FARP2: variants seen among roughly 807,000 people sequenced by gnomAD.
FARP2 encodes FERM, ARH/RhoGEF and pleckstrin domain protein 2, also known as FERM, ARHGEF and pleckstrin domain-containing protein 2.
FARP2 carries 111 observed loss-of-function variants against 130.5 expected under a neutral mutation model. That is an observed-to-expected ratio of 0.85 (90% CI 0.73 to 1.00). The LOEUF (loss-of-function observed/expected upper bound fraction) is 1.00, where lower values mean the gene tolerates loss of function less well. Ranked by LOEUF, FARP2 falls within the 50% of genes least tolerant of loss-of-function variation. FARP2 has a pLI of 0.00. For missense variants in FARP2, 1,385 were observed against 1,346.3 expected, an observed-to-expected ratio of 1.03 and a Z score of -0.45; for synonymous variants, 504 against 516.9, an observed-to-expected ratio of 0.98 and a Z score of 0.34.
intron 4 of FARP2, among the ~76,000 whole-genome samples, chr2:241,406,584 C>T (rs1182026246): frequency 6.6e-6 from 1 of 151,342 alleles, no homozygotes; most frequent in African/African-American, 2.4e-5. Flanking sequence ...GTAGCTGGAA[C>T]TTCAGGCATG....
chr2:241,461,752 G>A (rs1360051258), intron 14 of FARP2, among the ~76,000 whole-genome samples: 1 of 152,230 alleles, frequency 6.6e-6, no homozygotes, highest in Non-Finnish European at 1.5e-5. Context: ...TGGGGCAGGC[G>A]AGCTGCCAGG....
chr2:241,431,243 G>A (rs1175147328), intron 8 of FARP2, among the ~76,000 whole-genome samples: 1 of 152,106 alleles, frequency 6.6e-6, no homozygotes, highest in Non-Finnish European at 1.5e-5. Context: ...GTGTCCTTGT[G>A]TTCCAGATGT....
In FARP2 at chr2:241,464,147, G is replaced by A. The variant is rs965749279; in HGVS notation, c.1893+167G>A. ...TTAGAACAGGGCCCCCTCAGAGCAG[G>A]ATCCCTCCAGACCAGGGTCCCCCTC... On this transcript the variant is annotated intron_variant, in intron 17 of 26. Transcript: ENST00000264042. Among the ~76,000 whole-genome samples the A allele has an allele frequency of 2.0e-5, 3 of 151,604 alleles. No individual in the cohort carries two copies. The South Asian group carries it at 6.3e-4, about 32-fold the overall frequency.
intron 12 of FARP2, among the ~76,000 whole-genome samples, chr2:241,437,627 C>G (rs1374851061): frequency 6.7e-6 from 1 of 149,772 alleles, no homozygotes; most frequent in East Asian, 2.0e-4. Context: ...CATCATGCCT[C>G]GCTGACATAT....
intron 13 of FARP2, among the ~76,000 whole-genome samples, chr2:241,453,428 C>T (rs541475843): frequency 1.3e-5 from 2 of 152,044 alleles, no homozygotes; most frequent in South Asian, 2.1e-4. Context: ...CGAGACCATC[C>T]TGGCTAACAT....
Position 241,361,188 on chromosome 2 carries a change from C to T in FARP2, c.-25+4800C>T, listed in dbSNP as rs533847829. Among the ~76,000 whole-genome samples the T allele has an allele frequency of 2.6e-5, 4 of 152,344 alleles. No individual in the cohort carries two copies. In the South Asian group the frequency reaches 8.3e-4, roughly 32 times the overall value. On this transcript the variant is annotated intron_variant, in intron 1 of 26. Transcript: ENST00000264042. ...CTCCATTTCAAACCATGTTTCCTTT[C>T]CACTGCCCACACACTTCCCTGAGTC...
At chr2:241,467,995 AGCCCCCGCTG>A in intron 17 of FARP2, 135 bp from the exon 18 acceptor site, 1 of 705,416 alleles carries the variant, frequency 1.4e-6, no homozygotes, top group East Asian at 2.5e-5. Context: ...GAGGCTAGAA[AGCCCCCGCTG>A]GCGCACGCTG....
Position 241,431,655 on chromosome 2 carries a change from ATCTG to A in FARP2, c.772-16_772-13del, listed in dbSNP as rs1559762618. 1.6e-6 allele frequency: 2 copies of A among 1,251,610 alleles called. No homozygotes were observed. Among genetic ancestry groups the A allele is most frequent in the Non-Finnish European group, 2.3e-6 (2 of 855,078 alleles). The allele number at this position is 1,251,610 out of a possible 1,614,324, so 77.5% of individuals were successfully genotyped here. On this transcript the variant is annotated intron_variant, in intron 8 of 26. Transcript: ENST00000264042. ...GGGTTATGTGCCAGATACAAATGTA[ATCTG>A]TCTGTCTCTTGCATTTCAGGGCACC...
At chr2:241,395,809 TTTG>T (rs1306220590) in intron 2 of FARP2, 3 of 152,206 alleles carry the variant, frequency 2.0e-5, no homozygotes, top group African/African-American at 7.2e-5. Context: ...TGTTTGTTTG[TTTG>T]TTTGTTTTCC....
chr2:241,388,463 A>G (rs1231331331), intron 2 of FARP2, among the ~76,000 whole-genome samples: 1 of 152,226 alleles, frequency 6.6e-6, no homozygotes, highest in African/African-American at 2.4e-5. Flanking sequence ...CAGAGTTGAG[A>G]CTGTAAAACT....
chr2:241,360,746 A>G (rs529871513), intron 1 of FARP2, among the ~76,000 whole-genome samples: 5 of 152,304 alleles, frequency 3.3e-5, no homozygotes, highest in Admixed American at 1.3e-4. Flanking sequence ...AATAATGCAA[A>G]TGGCTAAATT....
chr2:241,434,735 C>A (rs2063177363), intron 10 of FARP2, among the ~76,000 whole-genome samples: 1 of 152,044 alleles, frequency 6.6e-6, no homozygotes, highest in African/African-American at 2.4e-5. Flanking sequence ...ACCTGTAATC[C>A]CAGCTACTCG....
intron 2 of FARP2, among the ~76,000 whole-genome samples, chr2:241,386,288 G>A (rs1197835044): frequency 6.6e-6 from 1 of 152,122 alleles, no homozygotes; most frequent in African/African-American, 2.4e-5. Flanking sequence ...TCCCGCTGTT[G>A]TTGCTCAGGC....
At chr2:241,479,384 C>T (rs551339896) in intron 19 of FARP2, among the ~76,000 whole-genome samples, 3 of 152,350 alleles carry the variant, frequency 2.0e-5, no homozygotes, top group African/African-American at 4.8e-5. Context: ...TCCAGCACGC[C>T]GTGGCCTCGG....
At chr2:241,438,672 C>T (rs2063306531) in intron 12 of FARP2, among the ~76,000 whole-genome samples, 1 of 150,734 alleles carries the variant, frequency 6.6e-6, no homozygotes, top group Non-Finnish European at 1.5e-5. Context: ...CTCTGTCGCC[C>T]AGGCTGGAGT....
intron 21 of FARP2, 24 bp downstream of exon 21, chr2:241,484,355 G>A (rs2064701149): frequency 6.2e-7 from 1 of 1,601,498 alleles, no homozygotes; most frequent in East Asian, 2.2e-5. Flanking sequence ...CACCCTGCCT[G>A]GGATTTCCAC....
At chr2:241,470,229 A>G (rs1239628267) in intron 18 of FARP2, among the ~76,000 whole-genome samples, 2 of 152,310 alleles carry the variant, frequency 1.3e-5, no homozygotes, top group Middle Eastern at 3.4e-3. Flanking sequence ...CCAGCCTTGC[A>G]ATTTTATTTA....
chr2:241,474,129 AC>A (rs1420395279), intron 18 of FARP2, among the ~76,000 whole-genome samples: 1 of 151,162 alleles, frequency 6.6e-6, no homozygotes, highest in Non-Finnish European at 1.5e-5. Flanking sequence ...ACACAGTGAA[AC>A]CCCGTCTCTA....
At chr2:241,454,410 A>G (rs1395773333) in intron 13 of FARP2, among the ~76,000 whole-genome samples, 2 of 152,344 alleles carry the variant, frequency 1.3e-5, no homozygotes, top group South Asian at 4.1e-4. Flanking sequence ...TGAGCAACAC[A>G]GTTGTGAAGA....
Sources: allele counts gnomAD v4.1 joint callset (sites outside exome capture counted in the v4.1 genomes callset), GRCh38; gene constraint gnomAD v4.1.1; transcripts MANE v1.5; gene names NCBI Gene and HGNC (gene_info 2026-07-23, HGNC 2026-07-21).